The following MTMR4 variants were observed in gnomAD, a reference collection of about 807,000 sequenced individuals.
MTMR4 encodes myotubularin related protein 4, also known as phosphatidylinositol-3,5-bisphosphate 3-phosphatase MTMR4.
In MTMR4, 30 loss-of-function variants were observed where a neutral mutation model predicts 125.5. The observed-to-expected ratio is 0.24, with a 90% confidence interval of 0.18 to 0.32. MTMR4 has a LOEUF of 0.32. Ranked by LOEUF, MTMR4 falls within the 10% of genes least tolerant of loss-of-function variation. The probability of loss-of-function intolerance (pLI) is 1.00; values close to 1 mark genes in which losing one functional copy is unlikely to be tolerated. For missense variants in MTMR4, 1,039 were observed against 1,511.5 expected, an observed-to-expected ratio of 0.69 and a Z score of 5.18; for synonymous variants, 498 against 564.5, an observed-to-expected ratio of 0.88 and a Z score of 1.67.
chr17:58,505,629 C>G lies in MTMR4; in HGVS notation c.1034-46G>C, dbSNP rs566056785. ...TGGGACATAAAAGCACGTCCTAGGC[C>G]GGGCGCGGTGGCTCACACCTGTAAT... On this transcript the variant is annotated intron_variant, in intron 9 of 17. Coordinates refer to ENST00000682306, the MANE Select transcript of MTMR4 (RefSeq NM_001378067.1). 3 of 1,446,386 alleles carry G rather than the reference C, an allele frequency of 2.1e-6. No homozygotes were observed. In the South Asian group the frequency reaches 3.4e-5, roughly 17 times the overall value. The allele number at this position is 1,446,386 out of a possible 1,614,324, so 89.6% of individuals were successfully genotyped here.
chr17:58,518,085 A>C (rs1259887574), upstream of MTMR4, among the ~76,000 whole-genome samples: 2 of 152,212 alleles, frequency 1.3e-5, no homozygotes, highest in African/African-American at 4.8e-5. Context: ...TAAAGACGAG[A>C]CTATACCTGG....
chr17:58,509,415 CTT>C (rs11451825), intron 4 of MTMR4, among the ~76,000 whole-genome samples: 20 of 134,646 alleles, frequency 1.5e-4, no homozygotes, highest in Non-Finnish European at 1.4e-4. Context: ...ATATATATAC[CTT>C]TTTTTTTTTT....
intron 14 of MTMR4, 142 bp from the exon 15 acceptor site, chr17:58,496,472 C>G: frequency 1.9e-5 from 13 of 687,008 alleles, no homozygotes; most frequent in Non-Finnish European, 2.8e-5. Context: ...AAATAAGGAC[C>G]CTTAAGATCA....
At position 58,491,341 on chromosome 17, in the gene MTMR4, A is replaced by C. The variant is rs554591070; in HGVS notation, c.*322T>G. ...ATGCCTTTCTATTGCTGTTTGGGGC[A>C]CTTTGCACCAGGCAACATCTACGCA... is the stretch of plus-strand genomic sequence containing the variant. On this transcript the variant is annotated 3_prime_UTR_variant, in exon 18 of 18. Coordinates refer to ENST00000682306, the MANE Select transcript of MTMR4 (RefSeq NM_001378067.1). The C allele has an allele frequency of 4.2e-5, 8 of 190,240 alleles. No homozygotes were observed. In the East Asian group the frequency reaches 1.0e-3, roughly 24 times the overall value. 11.8% of individuals were successfully genotyped at this position (190,240 alleles called of 1,614,324 possible).
chr17:58,500,517 G>A (rs1975592016), intron 14 of MTMR4, among the ~76,000 whole-genome samples: 2 of 152,140 alleles, frequency 1.3e-5, no homozygotes, highest in South Asian at 2.1e-4. Context: ...TTGGGAGGCC[G>A]AGGCGGGTAG....
chr17:58,505,416 T>A, intron 10 of MTMR4, 56 bp downstream of exon 10: 9 of 1,413,664 alleles, frequency 6.4e-6, no homozygotes, highest in Non-Finnish European at 9.0e-6. Flanking sequence ...CTTCCAAGAA[T>A]AAGAGGTACT....
intron 4 of MTMR4, among the ~76,000 whole-genome samples, chr17:58,510,378 G>A (rs1445598619): frequency 1.3e-5 from 2 of 152,070 alleles, no homozygotes; most frequent in East Asian, 1.9e-4. Context: ...TGCACTTGCC[G>A]TTCTCTGTCT....
chr17:58,506,906 C>T, intron 8 of MTMR4, 35 bp from the exon 9 acceptor site: 2 of 1,600,232 alleles, frequency 1.2e-6, no homozygotes, highest in South Asian at 1.1e-5. Context: ...CCTGAGTCAG[C>T]CAGCCACCCA....
upstream of MTMR4, chr17:58,515,126 A>C: frequency 2.4e-6 from 2 of 840,398 alleles, no homozygotes; most frequent in Non-Finnish European, 2.9e-6. Flanking sequence ...CCCCTACCCA[A>C]CCCTACTCCT....
intron 14 of MTMR4, 37 bp from the exon 15 acceptor site, chr17:58,496,367 T>C (rs751493024): frequency 1.3e-6 from 2 of 1,526,708 alleles, no homozygotes; most frequent in East Asian, 2.3e-5. Flanking sequence ...GGTCAGGAGA[T>C]GGGCACTTGC....
At position 58,505,148 on chromosome 17, in the gene MTMR4, A is replaced by G. The variant is rs148666030; in HGVS notation, c.1146-174T>C. Among the ~76,000 whole-genome samples, 160 of 152,286 alleles carry G rather than the reference A, an allele frequency of 1.1e-3. 1 individual carries two copies. Among genetic ancestry groups the G allele is most frequent in the African/African-American group, 3.7e-3 (154 of 41,556 alleles). On this transcript the variant is annotated intron_variant, in intron 10 of 17. Coordinates refer to ENST00000682306, the MANE Select transcript of MTMR4 (RefSeq NM_001378067.1). ...CTAGCAGGAAGGTAGGGAAGACAGG[A>G]CCTACAGCAGATAAAAGCATCTGAA...
At chr17:58,511,759 C>T (rs1167340175) in intron 3 of MTMR4, among the ~76,000 whole-genome samples, 1 of 152,204 alleles carries the variant, frequency 6.6e-6, no homozygotes, top group Non-Finnish European at 1.5e-5. Flanking sequence ...AGTTAGGTGA[C>T]TTGACCAAGG....
chr17:58,518,121 G>T (rs541892760), upstream of MTMR4, among the ~76,000 whole-genome samples: 1 of 152,364 alleles, frequency 6.6e-6, no homozygotes, highest in East Asian at 1.9e-4. Context: ...CGCCGGAGGG[G>T]AGACGCGACC....
chr17:58,511,022 C>G (rs570371267), intron 4 of MTMR4: 1 of 154,016 alleles, frequency 6.5e-6, no homozygotes, highest in Non-Finnish European at 1.4e-5. Flanking sequence ...CTCTCTGAGG[C>G]GGCAAAATTT....
chr17:58,509,024 C>T, intron 4 of MTMR4, 183 bp from the exon 5 acceptor site: 2 of 617,622 alleles, frequency 3.2e-6, no homozygotes, highest in Middle Eastern at 4.4e-4. Context: ...CAGAAGTTGT[C>T]TCTTGTGATA....
At chr17:58,493,816 C>T (rs1268276579) in intron 15 of MTMR4, among the ~76,000 whole-genome samples, 1 of 151,886 alleles carries the variant, frequency 6.6e-6, no homozygotes, top group African/African-American at 2.4e-5. Flanking sequence ...GTGGGGAGCA[C>T]CTTAACAGAA....
chr17:58,511,612 C>T, intron 3 of MTMR4, 101 bp from the exon 4 acceptor site: 1 of 937,394 alleles, frequency 1.1e-6, no homozygotes, highest in Non-Finnish European at 1.7e-6. Flanking sequence ...AGGAAGGAAA[C>T]CAACATTTAC....
At chr17:58,518,845 T>C (rs1444165567), upstream of MTMR4, among the ~76,000 whole-genome samples, 1 of 152,124 alleles carries the variant, frequency 6.6e-6, no homozygotes, top group East Asian at 1.9e-4. Flanking sequence ...TATTCTCAGG[T>C]CTGGAGCGGG....
At chr17:58,500,714 C>T (rs1975597870) in intron 14 of MTMR4, among the ~76,000 whole-genome samples, 2 of 135,830 alleles carry the variant, frequency 1.5e-5, no homozygotes, top group Admixed American at 8.0e-5. Context: ...TGCGCCACTG[C>T]ACTCCAACCG....
Sources: allele counts gnomAD v4.1 joint callset (sites outside exome capture counted in the v4.1 genomes callset), GRCh38; gene constraint gnomAD v4.1.1; transcripts MANE v1.5; gene names NCBI Gene and HGNC (gene_info 2026-07-23, HGNC 2026-07-21).